The following EXOC6 variants were observed in gnomAD, a reference collection of about 807,000 sequenced individuals.
EXOC6 encodes the protein exocyst complex component 6.
A neutral mutation model predicts 112.5 loss-of-function variants in EXOC6; 60 were observed. That is an observed-to-expected ratio of 0.53 (90% CI 0.43 to 0.66). The LOEUF (loss-of-function observed/expected upper bound fraction) is 0.66, where lower values mean the gene tolerates loss of function less well. EXOC6 is among the 30% of genes least tolerant of loss of function. EXOC6 has a pLI of 0.00. For missense variants in EXOC6, 855 were observed against 957.1 expected (o/e 0.89, Z 1.41); for synonymous variants, 295 against 308.0 (o/e 0.96, Z 0.44).
chr10:93,038,646 A>G (rs939326957), intron 20 of EXOC6, among the ~76,000 whole-genome samples: 2 of 152,204 alleles, frequency 1.3e-5, no homozygotes, highest in African/African-American at 4.8e-5. Flanking sequence ...TTTAAATTAG[A>G]AGCTTTTTCA....
upstream of EXOC6, among the ~76,000 whole-genome samples, chr10:92,833,779 G>C (rs1846566511): frequency 6.6e-6 from 1 of 152,154 alleles, no homozygotes; most frequent in Non-Finnish European, 1.5e-5. Flanking sequence ...GAAAGCTGAG[G>C]CTAAACTGAA....
chr10:92,930,490 T>C (rs1851965822), intron 9 of EXOC6, among the ~76,000 whole-genome samples: 1 of 145,744 alleles, frequency 6.9e-6, no homozygotes, highest in Non-Finnish European at 1.5e-5. Context: ...GTGACAAGAG[T>C]GAGACTCTGT....
chr10:92,836,270 G>A (rs973315324), intron 1 of EXOC6, among the ~76,000 whole-genome samples: 7 of 152,194 alleles, frequency 4.6e-5, no homozygotes, highest in Non-Finnish European at 1.0e-4. Context: ...TAACCTGTCG[G>A]CTAGTCTGTC....
At chr10:93,007,577 C>T (rs955236300) in intron 19 of EXOC6, among the ~76,000 whole-genome samples, 2 of 151,802 alleles carry the variant, frequency 1.3e-5, no homozygotes, top group East Asian at 1.9e-4. Context: ...TGCTTGAACC[C>T]GGGAGATGGA....
intron 20 of EXOC6, among the ~76,000 whole-genome samples, chr10:93,036,917 G>T (rs919551461): frequency 6.6e-6 from 1 of 152,160 alleles, no homozygotes; most frequent in Admixed American, 6.5e-5. Context: ...AGATTTACCT[G>T]TTTTCAATTA....
At chr10:93,048,429 T>G (rs1454176375) in intron 20 of EXOC6, among the ~76,000 whole-genome samples, 2 of 151,950 alleles carry the variant, frequency 1.3e-5, no homozygotes, top group East Asian at 3.9e-4. Flanking sequence ...CTGGGTGCAG[T>G]GGCTCACGCC....
At chr10:92,892,582 G>T (rs899606883) in intron 1 of EXOC6, among the ~76,000 whole-genome samples, 1 of 152,226 alleles carries the variant, frequency 6.6e-6, no homozygotes, top group African/African-American at 2.4e-5. Flanking sequence ...CTATTTGGCA[G>T]TCAAAGCCTT....
intron 14 of EXOC6, among the ~76,000 whole-genome samples, chr10:92,949,531 G>A (rs1037461541): frequency 1.3e-5 from 2 of 150,292 alleles, no homozygotes; most frequent in African/African-American, 4.9e-5. Flanking sequence ...AGTTTGTTCA[G>A]GCTAGTGTCT....
chr10:92,989,533 T>C (rs745659624), intron 18 of EXOC6, among the ~76,000 whole-genome samples: 9 of 152,234 alleles, frequency 5.9e-5, no homozygotes, highest in Non-Finnish European at 1.0e-4. Flanking sequence ...AATTTAGTAG[T>C]GATCAAAACA....
chr10:92,896,169 ATATATATATATATTTTTTTT>A (rs1849788633), intron 4 of EXOC6, among the ~76,000 whole-genome samples: 2 of 24,588 alleles, frequency 8.1e-5, no homozygotes, highest in African/African-American at 4.1e-4. Flanking sequence ...ATATATATAT[ATATATATATATATTTTTTTT>A]TTTTTTTTTT....
chr10:93,030,350 G>A (rs1845216918), intron 20 of EXOC6, among the ~76,000 whole-genome samples: 3 of 152,184 alleles, frequency 2.0e-5, no homozygotes, highest in African/African-American at 7.2e-5. Flanking sequence ...ATAGGCGTGA[G>A]CCACTGCGCC....
rs528889952 is a variant in EXOC6 at position 92,869,310 on chromosome 10, T to TAA, written c.101+20690_101+20691dup. Among the ~76,000 whole-genome samples, 14 of 143,154 alleles carry TAA rather than the reference T, an allele frequency of 9.8e-5. No homozygotes were observed. In the East Asian group the frequency reaches 1.0e-3, roughly 10 times the overall value. 93.9% of individuals were successfully genotyped at this position (143,154 alleles called of 152,430 possible). On this transcript the variant is annotated intron_variant, in intron 1 of 21. Coordinates refer to ENST00000260762, the MANE Select transcript of EXOC6 (RefSeq NM_019053.6). ...AGCCACCATGGCAGGCCCTTTCTTT[T>TAA]AAAAAAAAAAAAAAATGAGACAGGG...
chr10:92,915,232 A>G (rs1851013678), intron 6 of EXOC6, among the ~76,000 whole-genome samples: 2 of 152,140 alleles, frequency 1.3e-5, no homozygotes, highest in Admixed American at 1.3e-4. Flanking sequence ...GTTCTACATA[A>G]TTTTAAGACT....
intron 8 of EXOC6, among the ~76,000 whole-genome samples, chr10:92,927,605 A>G (rs537091557): frequency 2.0e-5 from 3 of 152,342 alleles, no homozygotes; most frequent in Admixed American, 6.5e-5. Flanking sequence ...CTAGTGGGCT[A>G]CCATTTTAGA....
chr10:92,956,820 C>A (rs1853720036), intron 17 of EXOC6, among the ~76,000 whole-genome samples: 1 of 152,026 alleles, frequency 6.6e-6, no homozygotes, highest in African/African-American at 2.4e-5. Flanking sequence ...TGACCTTGGG[C>A]AAGTTCTTTA....
At chr10:93,032,996 A>AC (rs1419208012) in intron 20 of EXOC6, among the ~76,000 whole-genome samples, 1 of 152,148 alleles carries the variant, frequency 6.6e-6, no homozygotes, top group African/African-American at 2.4e-5. Flanking sequence ...AAAGGGTAAT[A>AC]GTATGGCTAT....
At chr10:92,890,098 A>G (rs1355313105) in intron 1 of EXOC6, among the ~76,000 whole-genome samples, 1 of 152,230 alleles carries the variant, frequency 6.6e-6, no homozygotes, top group East Asian at 1.9e-4. Context: ...TCCTCTTCAT[A>G]AACATGGAAT....
At chr10:92,832,635 T>C (rs1846524004), upstream of EXOC6, among the ~76,000 whole-genome samples, 1 of 152,030 alleles carries the variant, frequency 6.6e-6, no homozygotes, top group South Asian at 2.1e-4. Context: ...AGATAGACAT[T>C]CTGCACACAT....
At position 93,059,252 on chromosome 10, in the gene EXOC6, T is replaced by C. The variant is rs926301025; in HGVS notation, c.*897T>C. The C allele has an allele frequency of 2.6e-5, 4 of 152,216 alleles. No homozygotes were observed. The highest frequency in any genetic ancestry group is 6.5e-5 in the Admixed American group (1 of 15,276). The allele number at this position is 152,216 out of a possible 1,614,324, so 9.4% of individuals were successfully genotyped here. A position where few individuals can be genotyped will look rare whatever the true frequency, so the allele number is the denominator to read the frequency against. On this transcript the variant is annotated 3_prime_UTR_variant, in exon 22 of 22. Coordinates refer to ENST00000260762, the MANE Select transcript of EXOC6 (RefSeq NM_019053.6). ...GAAACAAGCCAAACCAAATGAACTC[T>C]GGAAAACCTAAAACAAATGTACATT...
Sources: allele counts gnomAD v4.1 joint callset (sites outside exome capture counted in the v4.1 genomes callset), GRCh38; gene constraint gnomAD v4.1.1; transcripts MANE v1.5; gene names NCBI Gene and HGNC (gene_info 2026-07-23, HGNC 2026-07-21).